Variants in UNC80 observed in about 807,000 individuals in gnomAD.
UNC80 encodes unc-80 subunit of NALCN channel complex.
A neutral mutation model predicts 384.6 loss-of-function variants in UNC80; 164 were observed. The ratio of observed to expected loss-of-function variants is 0.43; its 90% CI spans 0.38 to 0.49. The LOEUF is 0.49. Ranked by LOEUF, UNC80 falls within the 20% of genes least tolerant of loss-of-function variation. UNC80 has a pLI of 0.00. For synonymous variants in UNC80, 1,486 were observed against 1,527.8 expected (o/e 0.97, Z 0.64); for missense variants, 3,330 against 4,143.0 (o/e 0.80, Z 5.39).
At chr2:209,785,961 C>A in intron 4 of UNC80, 105 bp from the exon 5 acceptor site, 1 of 1,297,416 alleles carries the variant, frequency 7.7e-7, no homozygotes, top group Admixed American at 2.3e-5. Flanking sequence ...GATAAATTCA[C>A]TCTGAAAATA....
chr2:209,971,886 A>C (rs1208096770), intron 54 of UNC80, among the ~76,000 whole-genome samples: 2 of 152,234 alleles, frequency 1.3e-5, no homozygotes, highest in Non-Finnish European at 2.9e-5. Context: ...TGTTGTTAAA[A>C]TATTTATTGG....
At chr2:209,914,485 T>TA (rs2089287941) in intron 31 of UNC80, among the ~76,000 whole-genome samples, 1 of 152,172 alleles carries the variant, frequency 6.6e-6, no homozygotes, top group East Asian at 1.9e-4. Flanking sequence ...ATACACGTGA[T>TA]AAAAATTCAA....
At position 209,997,744 on chromosome 2, in the gene UNC80, T is replaced by C. The variant is rs1232106270; in HGVS notation, c.*2149T>C. The C allele has an allele frequency of 6.6e-6, 1 of 152,124 alleles. No homozygotes were observed. Among genetic ancestry groups the C allele is most frequent in the East Asian group, 1.9e-4 (1 of 5,188 alleles). The allele number at this position is 152,124 out of a possible 1,614,324, so 9.4% of individuals were successfully genotyped here. On this transcript the variant is annotated 3_prime_UTR_variant, in exon 65 of 65. Transcript: ENST00000673920. ...CTCCACTCTGAGAAACAGGGCCTTATAGAGTAGGAATGTTTTCATACTGGG... is the reference window on the plus strand; with the variant it reads ...CTCCACTCTGAGAAACAGGGCCTTACAGAGTAGGAATGTTTTCATACTGGG...
In UNC80 at chr2:209,969,598, A is replaced by G. The variant is rs776944750; in HGVS notation, c.8007-170A>G. On this transcript the variant is annotated intron_variant, in intron 52 of 64. Transcript: ENST00000673920. Reference sequence around the variant, plus strand: ...GCAGGCCTGCCTCTGCTACGTTTTCAGTATCTTCTTCCCCTCCCAGTATGC... The same window carrying G: ...GCAGGCCTGCCTCTGCTACGTTTTCGGTATCTTCTTCCCCTCCCAGTATGC... 2.7e-4 allele frequency: 232 copies of G among 858,914 alleles called. 1 individual carries two copies. Among genetic ancestry groups the G allele is most frequent in the Non-Finnish European group, 3.8e-4 (224 of 584,490 alleles). The allele number at this position is 858,914 out of a possible 1,614,324, so 53.2% of individuals were successfully genotyped here.
chr2:209,914,596 C>G (rs1412018377), intron 31 of UNC80, among the ~76,000 whole-genome samples: 1 of 132,464 alleles, frequency 7.5e-6, no homozygotes, highest in Non-Finnish European at 1.6e-5. Context: ...AGCACCATTC[C>G]TTTCCCCAGA....
Position 209,813,840 on chromosome 2 carries a change from A to C in UNC80, c.1199A>C (p.Gln400Pro). 6.5e-7 allele frequency: 1 copy of C among 1,550,110 alleles called. No individual in the cohort carries two copies. The highest frequency in any genetic ancestry group is 8.7e-7 in the Non-Finnish European group (1 of 1,146,250). ...TCACTAGTGAACACCCACAAAACCC[A>C]AGTAAGAAAAACCCGGTTCATTGTC... is the stretch of plus-strand genomic sequence containing the variant. ...APSLVNTHKT[Q>P]DLTMKCNEEE... Residue 400 changes from glutamine (Q) to proline (P), a missense_variant and splice_region_variant, in exon 8 of 65, where the codon CAA becomes CCA. Physicochemically the swap from Gln to Pro is moderately conservative, Grantham distance 76 (BLOSUM62 -1). This residue lies in a region of UNC80 where 937 missense variants were observed against 1,026.8 expected (regional missense o/e 0.91). Transcript: ENST00000673920.
chr2:209,957,062 C>G (rs1261972930), intron 48 of UNC80, among the ~76,000 whole-genome samples: 1 of 152,196 alleles, frequency 6.6e-6, no homozygotes, highest in Non-Finnish European at 1.5e-5. Context: ...TGAAGTAAAT[C>G]TGGCAGATAT....
Position 209,967,336 on chromosome 2 carries a change from G to T in UNC80, c.7806-101G>T, listed in dbSNP as rs1019236049. The T allele has an allele frequency of 1.4e-5, 11 of 773,978 alleles. No individual in the cohort carries two copies. The Admixed American group carries it at 1.4e-4, about 10-fold the overall frequency. 47.9% of individuals were successfully genotyped at this position (773,978 alleles called of 1,614,324 possible). The stretch of plus-strand genomic sequence containing the variant: ...AATGTTCTTAGTTCAGGGAGTTGGT[G>T]GTCTGGAAGGGGTGATTAACATGTT... On this transcript the variant is annotated intron_variant, in intron 51 of 64. Coordinates refer to ENST00000673920, the MANE Select transcript of UNC80 (RefSeq NM_001371986.1).
chr2:209,871,814 C>CTT (rs551693169), intron 22 of UNC80, among the ~76,000 whole-genome samples: 1 of 129,460 alleles, frequency 7.7e-6, no homozygotes, highest in African/African-American at 2.8e-5. Flanking sequence ...CTTCTTTTTT[C>CTT]TTTTTTTTTT....
rs114971232 is a variant in UNC80 at position 209,933,917 on chromosome 2, C to T, written c.6090C>T (p.Tyr2030=). 1.1e-3 allele frequency: 1,724 copies of T among 1,551,046 alleles called. 17 individuals are homozygous for T. The African/African-American group carries it at 0.02, about 18-fold the overall frequency. ...CATTCCTGTGGGAGGTGGTGGGTTA[C>T]GTGGAGGGCCTCTTCTTCAAGGATC... The part of the protein sequence containing the change: ...TLTFLWEVVG[Y]VEGLFFKDLK... The change falls in exon 39 of 65, where the codon TAC becomes TAT. Residue 2030 remains tyrosine, a synonymous_variant. Transcript: ENST00000673920.
intron 22 of UNC80, among the ~76,000 whole-genome samples, chr2:209,866,527 CACACACAGAGAGAG>C (rs1235639394): frequency 6.6e-5 from 6 of 90,992 alleles, no homozygotes; most frequent in African/African-American, 2.8e-4. Flanking sequence ...CACACACACA[CACACACAGAGAGAG>C]AGAGAGAGAG....
intron 60 of UNC80, among the ~76,000 whole-genome samples, chr2:209,984,117 G>C (rs968868977): frequency 6.6e-6 from 1 of 152,164 alleles, no homozygotes; most frequent in African/African-American, 2.4e-5. Context: ...GACAGTTTCT[G>C]TTCACAAATC....
intron 40 of UNC80, among the ~76,000 whole-genome samples, chr2:209,936,546 G>A (rs759109231): frequency 1.1e-4 from 16 of 152,014 alleles, no homozygotes; most frequent in Non-Finnish European, 7.4e-5. Context: ...AGATCAGATG[G>A]TCCATATCAC....
intron 5 of UNC80, among the ~76,000 whole-genome samples, chr2:209,786,573 G>A (rs2077438049): frequency 6.6e-6 from 1 of 152,112 alleles, no homozygotes; most frequent in Non-Finnish European, 1.5e-5. Context: ...CATCATCATG[G>A]TAAATGGAGC....
At position 209,950,066 on chromosome 2, in the gene UNC80, A is replaced by G. The variant is rs147220356; in HGVS notation, c.7287-4034A>G. Among the ~76,000 whole-genome samples, 96 of 151,738 alleles carry G rather than the reference A, an allele frequency of 6.3e-4. 3 individuals carry two copies. The East Asian group carries it at 0.016, about 26-fold the overall frequency. On this transcript the variant is annotated intron_variant, in intron 47 of 64. Transcript: ENST00000673920. ...AGGCTGGTCTCAAACTCCTGAGCTC[A>G]AGTGTTCCTCCCACCTCAGCCTCCC...
chr2:209,808,767 T>TGCTGCGCTACTCAGCGACCTCGTTGCC, intron 7 of UNC80: 3 of 59,206 alleles, frequency 5.1e-5, no homozygotes, highest in South Asian at 1.0e-4. Flanking sequence ...CCTGCGCTAC[T>TGCTGCGCTACTCAGCGACCTCGTTGCC]TCTGCGCTAC....
chr2:209,903,151 G>A (rs1238509136), intron 28 of UNC80, among the ~76,000 whole-genome samples: 1 of 151,142 alleles, frequency 6.6e-6, no homozygotes, highest in East Asian at 1.9e-4. Flanking sequence ...ATACTGTATT[G>A]ATAATGATTC....
intron 7 of UNC80, among the ~76,000 whole-genome samples, chr2:209,808,101 C>A (rs2079024307): frequency 6.6e-6 from 1 of 152,188 alleles, no homozygotes; most frequent in African/African-American, 2.4e-5. Context: ...CTAACATGCC[C>A]TGTTAGAAAA....
At chr2:209,993,990 A>G in intron 63 of UNC80, 75 bp from the exon 64 acceptor site, 2 of 1,315,432 alleles carry the variant, frequency 1.5e-6, no homozygotes, top group South Asian at 3.0e-5. Flanking sequence ...GACACTGGTT[A>G]ATACCAACTA....
Sources: allele counts gnomAD v4.1 joint callset (sites outside exome capture counted in the v4.1 genomes callset), GRCh38; gene constraint gnomAD v4.1.1; regional missense constraint gnomAD v4.1.1; transcripts MANE v1.5; gene names NCBI Gene and HGNC (gene_info 2026-07-23, HGNC 2026-07-21).